Variants in AADAT observed in about 807,000 individuals in gnomAD.
AADAT encodes aminoadipate aminotransferase, also known as kynurenine/alpha-aminoadipate aminotransferase, mitochondrial.
AADAT carries 25 observed loss-of-function variants against 56.2 expected under a neutral mutation model. The observed-to-expected ratio is 0.44, with a 90% CI of 0.32 to 0.62. AADAT has a LOEUF of 0.62. Among genes scored for constraint, AADAT ranks in the 20% least tolerant of loss-of-function variants. The pLI, the probability that AADAT is intolerant of heterozygous loss-of-function variation, is 0.04. For missense variants in AADAT, 387 were observed against 510.5 expected, an observed-to-expected ratio of 0.76 and a Z score of 2.33; for synonymous variants, 173 against 164.7, an observed-to-expected ratio of 1.05 and a Z score of -0.39.
At chr4:170,082,937 ATAG>A (rs1399881390) in intron 3 of AADAT, among the ~76,000 whole-genome samples, 1 of 151,728 alleles carries the variant, frequency 6.6e-6, no homozygotes, top group African/African-American at 2.4e-5. Context: ...TAATACAATA[ATAG>A]TAGGAGACTT....
At chr4:170,084,714 G>A (rs998196308) in intron 3 of AADAT, among the ~76,000 whole-genome samples, 2 of 152,182 alleles carry the variant, frequency 1.3e-5, no homozygotes, top group African/African-American at 4.8e-5. Flanking sequence ...GACCTGTGAT[G>A]TTGAATTTAC....
chr4:170,092,315 G>A (rs1165306237), upstream of AADAT, among the ~76,000 whole-genome samples: 1 of 152,218 alleles, frequency 6.6e-6, no homozygotes, highest in Non-Finnish European at 1.5e-5. Context: ...TCCTGAGGCC[G>A]TGGAGACCAC....
At chr4:170,080,920 A>G (rs1732267783) in intron 3 of AADAT, among the ~76,000 whole-genome samples, 1 of 152,238 alleles carries the variant, frequency 6.6e-6, no homozygotes, top group African/African-American at 2.4e-5. Flanking sequence ...AATAGCCAAC[A>G]GGAAACCATG....
upstream of AADAT, chr4:170,090,350 C>T (rs1160982325): frequency 6.6e-6 from 1 of 152,350 alleles, no homozygotes; most frequent in East Asian, 1.9e-4. Context: ...CCCGCGCGCT[C>T]CGCTGGCCTC....
In AADAT at chr4:170,060,904, C is replaced by G. The variant is rs186211908; in HGVS notation, c.*24G>C. The G allele has an allele frequency of 2.3e-4, 347 of 1,538,294 alleles. 1 individual carries two copies. Among genetic ancestry groups the G allele is most frequent in the Middle Eastern group, 3.8e-4 (2 of 5,286 alleles). ...TGCTGGGATTATAGGTGTGAGCCAC[C>G]ATGCCCAACCTAGTTTAATTTCTTC... is the stretch of plus-strand genomic sequence containing the variant. On this transcript the variant is annotated 3_prime_UTR_variant, in exon 13 of 13. Coordinates refer to ENST00000337664, the MANE Select transcript of AADAT (RefSeq NM_016228.4).
intron 3 of AADAT, among the ~76,000 whole-genome samples, chr4:170,085,425 G>A (rs781293915): frequency 2.0e-5 from 3 of 152,136 alleles, no homozygotes; most frequent in Non-Finnish European, 4.4e-5. Context: ...AAACACAGGA[G>A]TCTAAAATAA....
upstream of AADAT, among the ~76,000 whole-genome samples, chr4:170,091,435 G>A (rs1162386018): frequency 6.6e-6 from 1 of 152,192 alleles, no homozygotes. Flanking sequence ...CGCTACCTTC[G>A]AATTCTCGCC....
At chr4:170,070,292 T>A (rs1160841510) in intron 6 of AADAT, among the ~76,000 whole-genome samples, 3 of 152,000 alleles carry the variant, frequency 2.0e-5, no homozygotes, top group Non-Finnish European at 4.4e-5. Context: ...GTTTAAGACG[T>A]CCATCAGCCC....
At chr4:170,070,734 A>G (rs1406012524) in intron 5 of AADAT, 82 bp from the exon 6 acceptor site, 8 of 1,039,142 alleles carry the variant, frequency 7.7e-6, no homozygotes, top group African/African-American at 3.2e-5. Flanking sequence ...ATTTGGAATT[A>G]TAATTCTTTG....
chr4:170,087,020 C>A, intron 3 of AADAT, 96 bp downstream of exon 3: 3 of 1,357,746 alleles, frequency 2.2e-6, no homozygotes, highest in African/African-American at 1.5e-5. Flanking sequence ...TACCAGTAAT[C>A]CATAAAATAT....
chr4:170,068,702 A>G lies in AADAT; in HGVS notation c.804-15T>C. The G allele has an allele frequency of 6.7e-7, 1 of 1,503,676 alleles. No homozygotes were observed. Among genetic ancestry groups the G allele is most frequent in the South Asian group, 1.2e-5 (1 of 82,896 alleles). The allele number at this position is 1,503,676 out of a possible 1,614,324, so 93.1% of individuals were successfully genotyped here. ...CTATTCTCAACCTACGTGGAAAGAG[A>G]AAAGGCACGATACCAATTCCATATT... On this transcript the variant is annotated splice_polypyrimidine_tract_variant and intron_variant, in intron 7 of 12. Coordinates refer to ENST00000337664, the MANE Select transcript of AADAT (RefSeq NM_016228.4).
At chr4:170,083,412 C>T (rs780333579) in intron 3 of AADAT, among the ~76,000 whole-genome samples, 47 of 151,944 alleles carry the variant, frequency 3.1e-4, no homozygotes, top group Non-Finnish European at 3.7e-4. Context: ...TAGCAATAAA[C>T]GCCTGTTTCA....
At chr4:170,068,413 CTTTAT>C (rs1033288659) in intron 8 of AADAT, among the ~76,000 whole-genome samples, 173 bp downstream of exon 8, 5 of 152,116 alleles carry the variant, frequency 3.3e-5, no homozygotes, top group Admixed American at 1.3e-4. Context: ...ATTAAGTTTA[CTTTAT>C]TTTAATTAAA....
intron 11 of AADAT, among the ~76,000 whole-genome samples, chr4:170,062,929 T>A (rs1472337084): frequency 6.6e-6 from 1 of 152,216 alleles, no homozygotes; most frequent in Non-Finnish European, 1.5e-5. Context: ...TAGAATTATA[T>A]GTGAGTCAGA....
chr4:170,091,152 C>G (rs1023951588), upstream of AADAT, among the ~76,000 whole-genome samples: 1 of 152,224 alleles, frequency 6.6e-6, no homozygotes, highest in Non-Finnish European at 1.5e-5. Context: ...CCCTTCAGCC[C>G]GCCGCTGCAC....
At chr4:170,066,291 C>A (rs1731457471) in intron 10 of AADAT, 123 bp downstream of exon 10, 2 of 856,462 alleles carry the variant, frequency 2.3e-6, no homozygotes, top group Admixed American at 3.8e-5. Flanking sequence ...TGTAATGTTT[C>A]CTTGGCAAGA....
At chr4:170,064,576 G>A (rs1209994922) in intron 11 of AADAT, 143 bp downstream of exon 11, 3 of 624,864 alleles carry the variant, frequency 4.8e-6, no homozygotes, top group Non-Finnish European at 5.5e-6. Flanking sequence ...TTTTGATAAT[G>A]CAATAAAATA....
rs183486777 is a variant in AADAT, at chr4:170,067,319, T to G, written c.962+8A>C. ...TGTTCATAAATATTTAAAGAAATGA[T>G]ACAATACCTGTCTACATGAGCCATG... On this transcript the variant is annotated splice_region_variant and intron_variant, in intron 9 of 12. Transcript: ENST00000337664. 1.0e-3 allele frequency: 1,673 copies of G among 1,608,264 alleles called. 13 individuals carry two copies. In the African/African-American group the frequency reaches 0.02, roughly 19 times the overall value.
chr4:170,068,138 CAAAAAA>C (rs1217763818), intron 8 of AADAT, among the ~76,000 whole-genome samples: 1 of 72,932 alleles, frequency 1.4e-5, no homozygotes. Context: ...GACTCTGTCT[CAAAAAA>C]AAAAAAAAAA....
Sources: allele counts gnomAD v4.1 joint callset (sites outside exome capture counted in the v4.1 genomes callset), GRCh38; gene constraint gnomAD v4.1.1; transcripts MANE v1.5; gene names NCBI Gene and HGNC (gene_info 2026-07-23, HGNC 2026-07-21).